Variants in HS1BP3 observed in about 807,000 individuals in gnomAD.
HS1BP3 encodes HCLS1-binding protein 3.
HS1BP3 carries 32 observed loss-of-function variants against 33.5 expected under a neutral mutation model. That is an observed-to-expected ratio of 0.95 (90% CI 0.72 to 1.28). The LOEUF (loss-of-function observed/expected upper bound fraction) is 1.28, where lower values mean the gene tolerates loss of function less well. HS1BP3 is among the 50% of genes most tolerant of loss of function. The pLI, the probability that HS1BP3 is intolerant of heterozygous loss-of-function variation, is 0.00. For missense variants in HS1BP3, 486 were observed against 502.3 expected, an observed-to-expected ratio of 0.97 and a Z score of 0.31; for synonymous variants, 187 against 209.2, an observed-to-expected ratio of 0.89 and a Z score of 0.92.
Position 20,624,872 on chromosome 2 carries a change from T to G in HS1BP3, c.644A>C (p.His215Pro). 6.2e-7 allele frequency: 1 copy of G among 1,613,632 alleles called. No individual in the cohort carries two copies. The highest frequency in any genetic ancestry group is 1.1e-5 in the South Asian group (1 of 91,070). Residue 215 changes from histidine (H) to proline (P), a missense_variant, in exon 5 of 7, where the codon CAT becomes CCT. Coordinates refer to ENST00000304031, the MANE Select transcript of HS1BP3 (RefSeq NM_022460.4). ...CTTGGCTTTCACGGCCACTTTGGGATGTTTCTTGGGCTTCTTGGAGCTGGA... is the reference window on the plus strand; with the variant it reads ...CTTGGCTTTCACGGCCACTTTGGGAGGTTTCTTGGGCTTCTTGGAGCTGGA... ...GIMRSKKPKKHPKVAVKAKPS... is the reference protein window; with the variant it reads ...GIMRSKKPKKPPKVAVKAKPS...
intron 4 of HS1BP3, among the ~76,000 whole-genome samples, chr2:20,626,663 C>T (rs1050017191): frequency 6.6e-6 from 1 of 152,262 alleles, no homozygotes; most frequent in South Asian, 2.1e-4. Context: ...CAAGAAGGCC[C>T]ATCTGCCTGG....
intron 2 of HS1BP3, 47 bp downstream of exon 2, chr2:20,645,293 G>A (rs750850317): frequency 1.8e-5 from 29 of 1,585,110 alleles, no homozygotes; most frequent in Admixed American, 7.0e-5. Context: ...CTGCCCGCCC[G>A]GACCCCGGGC....
At chr2:20,562,655 T>C (rs1274149041) in intron 5 of HS1BP3, among the ~76,000 whole-genome samples, 1 of 152,150 alleles carries the variant, frequency 6.6e-6, no homozygotes, top group Non-Finnish European at 1.5e-5. Context: ...GCTTGCACGA[T>C]TGGCCTCTGA....
chr2:20,617,523 T>C (rs1182344928), downstream of HS1BP3, among the ~76,000 whole-genome samples: 1 of 152,048 alleles, frequency 6.6e-6, no homozygotes, highest in African/African-American at 2.4e-5. Flanking sequence ...AGGGACGTGA[T>C]CAGATGCAGG....
downstream of HS1BP3, among the ~76,000 whole-genome samples, chr2:20,612,955 C>A (rs928790966): frequency 6.6e-6 from 1 of 152,140 alleles, no homozygotes; most frequent in African/African-American, 2.4e-5. Flanking sequence ...ACTGTGAGGT[C>A]CCGATGCAAA....
At chr2:20,557,064 G>A (rs550457425), downstream of HS1BP3, among the ~76,000 whole-genome samples, 1 of 152,296 alleles carries the variant, frequency 6.6e-6, no homozygotes, top group South Asian at 2.1e-4. Context: ...ATCTTTGTCT[G>A]AAAGGGTATT....
intron 4 of HS1BP3, among the ~76,000 whole-genome samples, chr2:20,633,535 T>C (rs1695028985): frequency 6.6e-6 from 1 of 152,198 alleles, no homozygotes; most frequent in Non-Finnish European, 1.5e-5. Context: ...TTCTGTTTTG[T>C]TTTGTTTTTG....
At chr2:20,576,698 A>C (rs1391464532) in intron 5 of HS1BP3, among the ~76,000 whole-genome samples, 2 of 152,196 alleles carry the variant, frequency 1.3e-5, no homozygotes, top group East Asian at 3.8e-4. Flanking sequence ...TGGTACCCTT[A>C]ATGGGGCCCA....
At chr2:20,563,383 A>G (rs140559191) in intron 5 of HS1BP3, among the ~76,000 whole-genome samples, 1 of 152,260 alleles carries the variant, frequency 6.6e-6, no homozygotes, top group African/African-American at 2.4e-5. Context: ...GCAGCCAAAC[A>G]GGGGTGGGGA....
chr2:20,629,192 A>G (rs554301760), intron 4 of HS1BP3, among the ~76,000 whole-genome samples: 1 of 152,230 alleles, frequency 6.6e-6, no homozygotes, highest in Admixed American at 6.5e-5. Flanking sequence ...TCTCTGAGCC[A>G]TTTCTTCACC....
intron 5 of HS1BP3, among the ~76,000 whole-genome samples, chr2:20,585,530 C>T (rs1693660373): frequency 6.6e-6 from 1 of 152,178 alleles, no homozygotes. Flanking sequence ...TGCCCAAGGT[C>T]ACACGATTAG....
chr2:20,558,588 C>A (rs113014213), downstream of HS1BP3, among the ~76,000 whole-genome samples: 1 of 152,106 alleles, frequency 6.6e-6, no homozygotes, highest in Non-Finnish European at 1.5e-5. Context: ...TGCGCTGGCA[C>A]GAAGAGGGTG....
rs577142828 is a variant in HS1BP3, at chr2:20,569,524, C to T, written c.303-9009G>A. 6.6e-5 allele frequency among the ~76,000 whole-genome samples: 10 copies of T among 152,296 alleles called. No individual in the cohort carries two copies. The South Asian group carries it at 2.1e-3, about 32-fold the overall frequency. On this transcript the variant is annotated intron_variant, in intron 5 of 5. Transcript: ENST00000446825. ...TTCTTATTTTAGTCTAAGTATTTCCCAGGCAATATTTGAAACATACTCAGG... is the reference window on the plus strand; with the variant it reads ...TTCTTATTTTAGTCTAAGTATTTCCTAGGCAATATTTGAAACATACTCAGG...
At chr2:20,583,778 C>T (rs949325390) in intron 5 of HS1BP3, among the ~76,000 whole-genome samples, 3 of 152,316 alleles carry the variant, frequency 2.0e-5, no homozygotes, top group East Asian at 1.9e-4. Context: ...CTCATCATGA[C>T]ACCTGGGGCT....
chr2:20,576,497 C>T (rs1366154394), intron 5 of HS1BP3, among the ~76,000 whole-genome samples: 2 of 152,180 alleles, frequency 1.3e-5, no homozygotes, highest in Non-Finnish European at 2.9e-5. Flanking sequence ...CTGAGACCTC[C>T]CTGAGGCTCT....
At chr2:20,571,088 G>A (rs759547936) in intron 5 of HS1BP3, among the ~76,000 whole-genome samples, 6 of 152,154 alleles carry the variant, frequency 3.9e-5, no homozygotes, top group Admixed American at 6.5e-5. Flanking sequence ...ATCTTCTTCC[G>A]CTGCTCTGAG....
At chr2:20,631,516 CAAAAAAAAAAAAAAAAAAAAA>C (rs529653146) in intron 4 of HS1BP3, among the ~76,000 whole-genome samples, 1 of 63,184 alleles carries the variant, frequency 1.6e-5, no homozygotes, top group Non-Finnish European at 2.9e-5. Context: ...GAACCTGTCT[CAAAAAAAAAAAAAAAAAAAAA>C]AAAAAAAAAA....
chr2:20,612,972 G>A (rs1694345081), downstream of HS1BP3, among the ~76,000 whole-genome samples: 1 of 152,066 alleles, frequency 6.6e-6, no homozygotes, highest in South Asian at 2.1e-4. Context: ...CAAATCCTAG[G>A]GCCACCCATA....
At chr2:20,597,963 C>G (rs1693981491) in intron 3 of HS1BP3, among the ~76,000 whole-genome samples, 1 of 152,106 alleles carries the variant, frequency 6.6e-6, no homozygotes, top group South Asian at 2.1e-4. Context: ...CCAGGCTCAG[C>G]CCTGGTGAGG....
Sources: gnomAD v4.1 joint callset for allele counts (sites outside exome capture counted in the v4.1 genomes callset) on GRCh38, gnomAD v4.1.1 for gene constraint, MANE v1.5 for transcripts, NCBI Gene and HGNC (gene_info 2026-07-23, HGNC 2026-07-21) for gene names.